Variants in SEM1 observed in about 807,000 individuals in gnomAD.
The protein encoded by SEM1 is 26S proteasome complex subunit SEM1.
A neutral mutation model predicts 12.7 loss-of-function variants in SEM1; 3 were observed. The observed-to-expected ratio is 0.24, with a 90% CI of 0.11 to 0.61. SEM1 has a LOEUF of 0.61. Ranked by LOEUF, SEM1 falls within the 20% of genes least tolerant of loss-of-function variation. The probability of loss-of-function intolerance (pLI) is 0.88; values close to 1 mark genes in which losing one functional copy is unlikely to be tolerated. For missense variants in SEM1, 59 were observed against 81.3 expected, an observed-to-expected ratio of 0.73 and a Z score of 1.06; for synonymous variants, 30 against 27.8, an observed-to-expected ratio of 1.08 and a Z score of -0.25.
intron 1 of SEM1, among the ~76,000 whole-genome samples, chr7:96,489,288 G>T (rs1802903897): frequency 6.6e-6 from 1 of 152,108 alleles, no homozygotes; most frequent in Admixed American, 6.5e-5. Flanking sequence ...CAGAACAATG[G>T]TTCTCAAACA....
At chr7:96,584,306 T>C (rs1190032375) in intron 2 of SEM1, among the ~76,000 whole-genome samples, 2 of 152,224 alleles carry the variant, frequency 1.3e-5, no homozygotes, top group Admixed American at 6.5e-5. Flanking sequence ...CCCACTCTCT[T>C]CTGGCCTGTA....
At chr7:96,569,990 G>C (rs958119137) in intron 2 of SEM1, among the ~76,000 whole-genome samples, 1 of 151,850 alleles carries the variant, frequency 6.6e-6, no homozygotes, top group Non-Finnish European at 1.5e-5. Context: ...CTAGAAATAC[G>C]AGTGCAGGTA....
chr7:96,552,196 T>TC (rs79167903), intron 2 of SEM1, among the ~76,000 whole-genome samples: 2 of 14,976 alleles, frequency 1.3e-4, no homozygotes, highest in East Asian at 4.1e-3. Context: ...AGTTTCTCTC[T>TC]TTTTTTTATT....
chr7:96,694,727 T>C (rs1790034716), intron 2 of SEM1, 71 bp downstream of exon 2: 2 of 993,636 alleles, frequency 2.0e-6, no homozygotes, highest in African/African-American at 1.6e-5. Context: ...AGGTTAATCA[T>C]CTATGTAAAT....
At chr7:96,698,045 C>T (rs977028914) in intron 1 of SEM1, among the ~76,000 whole-genome samples, 1 of 152,112 alleles carries the variant, frequency 6.6e-6, no homozygotes, top group African/African-American at 2.4e-5. Context: ...AAAAGCAAGT[C>T]ATAAACAATG....
intron 2 of SEM1, among the ~76,000 whole-genome samples, chr7:96,522,910 A>AAG (rs1300353030): frequency 1.3e-5 from 2 of 151,222 alleles, no homozygotes; most frequent in South Asian, 2.1e-4. Context: ...AAAAAAAAAA[A>AAG]AGAGAGATGT....
At chr7:96,628,219 T>C (rs1310660209) in intron 2 of SEM1, among the ~76,000 whole-genome samples, 4 of 152,074 alleles carry the variant, frequency 2.6e-5, no homozygotes, top group Non-Finnish European at 5.9e-5. Context: ...ATTGGGTACA[T>C]TTAGTCAATT....
chr7:96,483,127 T>G (rs1041643559), exon 4 of SEM1: 1 of 152,200 alleles, frequency 6.6e-6, no homozygotes, highest in African/African-American at 2.4e-5. Context: ...AATAAGTACT[T>G]CATAGGCATT....
At chr7:96,524,164 C>A (rs908679836) in intron 2 of SEM1, among the ~76,000 whole-genome samples, 1 of 152,112 alleles carries the variant, frequency 6.6e-6, no homozygotes, top group African/African-American at 2.4e-5. Flanking sequence ...ACTTCCAATC[C>A]TTCTACTCAT....
intron 2 of SEM1, among the ~76,000 whole-genome samples, chr7:96,690,963 G>A (rs1422330393): frequency 1.3e-5 from 2 of 152,098 alleles, no homozygotes; most frequent in Non-Finnish European, 2.9e-5. Context: ...AGTAGAGACG[G>A]GGTTTCAACA....
chr7:96,677,069 G>A (rs867859968), intron 2 of SEM1, among the ~76,000 whole-genome samples: 14 of 152,170 alleles, frequency 9.2e-5, no homozygotes, highest in Middle Eastern at 6.8e-3. Context: ...ATCAATCACC[G>A]AAGGGAATCA....
At chr7:96,632,488 G>A (rs1323995147) in intron 2 of SEM1, among the ~76,000 whole-genome samples, 1 of 152,080 alleles carries the variant, frequency 6.6e-6, no homozygotes, top group Non-Finnish European at 1.5e-5. Flanking sequence ...CCACTCATAA[G>A]TGGGAGCTGA....
At chr7:96,606,762 A>T (rs377604870) in intron 2 of SEM1, among the ~76,000 whole-genome samples, 68 of 152,306 alleles carry the variant, frequency 4.5e-4, no homozygotes, top group African/African-American at 1.5e-3. Flanking sequence ...TCTGATTGTC[A>T]GGAACCATTA....
intron 2 of SEM1, among the ~76,000 whole-genome samples, chr7:96,536,845 G>A (rs1416479362): frequency 1.3e-5 from 2 of 151,538 alleles, no homozygotes; most frequent in Non-Finnish European, 3.0e-5. Context: ...ACATAGCTGA[G>A]TCCTATTTTT....
intron 2 of SEM1, among the ~76,000 whole-genome samples, chr7:96,564,012 C>T (rs10262355): frequency 0.013 from 1,988 of 152,042 alleles, 39 homozygotes; most frequent in African/African-American, 0.046. Flanking sequence ...GAGTGCCAGT[C>T]CTCTTTTTCT....
chr7:96,484,850 T>G, exon 3 of SEM1: 1 of 1,288,318 alleles, frequency 7.8e-7, no homozygotes, highest in Non-Finnish European at 1.0e-6. Flanking sequence ...TTTCTTGAGG[T>G]GGAGCTGTAA....
At chr7:96,582,482 C>T (rs1303138395) in intron 2 of SEM1, among the ~76,000 whole-genome samples, 3 of 151,230 alleles carry the variant, frequency 2.0e-5, no homozygotes, top group Admixed American at 6.6e-5. Flanking sequence ...TGATGCTGGC[C>T]TCATAAAATG....
At chr7:96,652,190 G>T (rs986606458) in intron 2 of SEM1, among the ~76,000 whole-genome samples, 2 of 152,096 alleles carry the variant, frequency 1.3e-5, no homozygotes, top group African/African-American at 2.4e-5. Context: ...CAAGTCAAGT[G>T]AACACTTTAT....
chr7:96,602,285 G>T (rs1297802618), intron 2 of SEM1, among the ~76,000 whole-genome samples: 1 of 152,214 alleles, frequency 6.6e-6, no homozygotes, highest in Non-Finnish European at 1.5e-5. Flanking sequence ...TGGAAAATAA[G>T]AAATGTGTCA....
Sources: gnomAD v4.1 joint callset for allele counts (sites outside exome capture counted in the v4.1 genomes callset) on GRCh38, gnomAD v4.1.1 for gene constraint, MANE v1.5 for transcripts, NCBI Gene and HGNC (gene_info 2026-07-23, HGNC 2026-07-21) for gene names.